Variants in AMZ2 observed in about 807,000 individuals in gnomAD.
AMZ2 encodes the protein archaelysin family metallopeptidase 2, also known as archaemetzincin-2.
A neutral mutation model predicts 36.7 loss-of-function variants in AMZ2; 26 were observed. The observed-to-expected ratio is 0.71, with a 90% CI of 0.52 to 0.98. The LOEUF (loss-of-function observed/expected upper bound fraction) is 0.98. AMZ2 is among the 50% of genes least tolerant of loss of function. AMZ2 has a pLI of 0.00. For synonymous variants in AMZ2, 144 were observed against 149.1 expected, an observed-to-expected ratio of 0.97 and a Z score of 0.25; for missense variants, 394 against 430.5, an observed-to-expected ratio of 0.92 and a Z score of 0.75.
chr17:68,233,334 G>C (rs7213100), intron 1 of AMZ2, among the ~76,000 whole-genome samples: 82,846 of 151,750 alleles, frequency 0.55, 23,708 homozygotes, highest in African/African-American at 0.73. Flanking sequence ...CAAGGAGAAA[G>C]CCCGTCTCTA....
intron 1 of AMZ2, among the ~76,000 whole-genome samples, chr17:68,213,073 A>G (rs2073107396): frequency 6.6e-6 from 1 of 152,354 alleles, no homozygotes; most frequent in South Asian, 2.1e-4. Flanking sequence ...TAACACAACC[A>G]CAAAGTAAAG....
chr17:68,238,832 C>T (rs1354371756), intron 1 of AMZ2, among the ~76,000 whole-genome samples: 1 of 152,160 alleles, frequency 6.6e-6, no homozygotes, highest in Non-Finnish European at 1.5e-5. Flanking sequence ...TCATAAACAA[C>T]AAAGCATAAA....
rs115362361 is a variant in AMZ2, at chr17:68,210,344, A to G, written c.-67+4106A>G. Among the ~76,000 whole-genome samples the G allele has an allele frequency of 6.7e-3, 1,015 of 152,376 alleles. 16 individuals are homozygous for G. The highest frequency in any genetic ancestry group is 0.023 in the African/African-American group (961 of 41,594). On this transcript the variant is annotated intron_variant, in intron 1 of 7. Transcript: ENST00000674770. ...AATGTGATTGATCCATATAACAGAT[A>G]CATTATTCAGCCTTGGAAGGAAATT... is the stretch of plus-strand genomic sequence containing the variant.
At chr17:68,208,572 A>G (rs1599247299) in intron 1 of AMZ2, among the ~76,000 whole-genome samples, 1 of 152,256 alleles carries the variant, frequency 6.6e-6, no homozygotes, top group East Asian at 1.9e-4. Flanking sequence ...GTGGGGCCTG[A>G]TAAGAATAAA....
At chr17:68,250,032 G>A (rs1458062175) in intron 1 of AMZ2, 156 bp from the exon 2 acceptor site, 1 of 711,616 alleles carries the variant, frequency 1.4e-6, no homozygotes, top group African/African-American at 1.8e-5. Flanking sequence ...CCAAGAAATT[G>A]GACATGAGGA....
chr17:68,233,338 G>A (rs568806156), intron 1 of AMZ2, among the ~76,000 whole-genome samples: 6 of 151,896 alleles, frequency 4.0e-5, no homozygotes, highest in African/African-American at 9.7e-5. Context: ...GAGAAAGCCC[G>A]TCTCTACTAA....
chr17:68,207,313 A>ACTCCCCCC (rs1555724633), intron 1 of AMZ2: 1 of 110,654 alleles, frequency 9.0e-6, no homozygotes. Context: ...TTTGTTAAAT[A>ACTCCCCCC]CCCCCCCCCC....
chr17:68,213,583 ATGG>A (rs1422582165), intron 1 of AMZ2, among the ~76,000 whole-genome samples: 1 of 152,164 alleles, frequency 6.6e-6, no homozygotes, highest in Non-Finnish European at 1.5e-5. Flanking sequence ...TTCGCTGTCT[ATGG>A]TGTTCTGCAG....
chr17:68,246,997 C>G (rs1455406592), upstream of AMZ2: 1 of 149,220 alleles, frequency 6.7e-6, no homozygotes, highest in Admixed American at 6.7e-5. Context: ...CACCTGAGCG[C>G]AGGAGTTCGA....
chr17:68,242,541 A>G lies in AMZ2; in HGVS notation c.-66-6099A>G, dbSNP rs2073923329. ...ATTCTCATGCCTCAGCCTCCCGAGTAGCTGGGATTACAGGCGTGTGCTACC... is the reference window on the plus strand; with the variant it reads ...ATTCTCATGCCTCAGCCTCCCGAGTGGCTGGGATTACAGGCGTGTGCTACC... On this transcript the variant is annotated intron_variant, in intron 1 of 7. Transcript: ENST00000674770. Among the ~76,000 whole-genome samples the G allele has an allele frequency of 2.0e-5, 3 of 151,868 alleles. No homozygotes were observed. In the South Asian group the frequency reaches 6.2e-4, roughly 32 times the overall value.
At chr17:68,209,696 A>G (rs1247854981) in intron 1 of AMZ2, among the ~76,000 whole-genome samples, 1 of 143,058 alleles carries the variant, frequency 7.0e-6, no homozygotes, top group African/African-American at 2.6e-5. Context: ...ATTCTGACTC[A>G]TGGCAACCTC....
chr17:68,209,457 G>A (rs563329917), intron 1 of AMZ2, among the ~76,000 whole-genome samples: 1 of 151,696 alleles, frequency 6.6e-6, no homozygotes, highest in African/African-American at 2.4e-5. Context: ...GCCTCCCAAA[G>A]TGTTGGGATT....
intron 1 of AMZ2, among the ~76,000 whole-genome samples, chr17:68,209,546 T>C (rs1266122187): frequency 6.6e-6 from 1 of 150,988 alleles, no homozygotes; most frequent in African/African-American, 2.4e-5. Flanking sequence ...ATGGACTTCT[T>C]TTGTAAAATA....
rs142992416 is a variant in AMZ2, at chr17:68,231,854, T to G, written c.-66-16786T>G. 1.1e-3 allele frequency among the ~76,000 whole-genome samples: 161 copies of G among 152,188 alleles called. 2 individuals are homozygous for G. In the East Asian group the frequency reaches 0.027, roughly 26 times the overall value. On this transcript the variant is annotated intron_variant, in intron 1 of 7. Transcript: ENST00000674770. ...ATACAGGGTGCTTAGTTAAACAGAA[T>G]TTCAAATGAACAACAAATCACTTTT...
At chr17:68,218,420 C>T (rs2073259300) in intron 1 of AMZ2, among the ~76,000 whole-genome samples, 1 of 152,052 alleles carries the variant, frequency 6.6e-6, no homozygotes, top group Admixed American at 6.6e-5. Context: ...AACTCCTGGG[C>T]TCAAGCGATC....
At chr17:68,246,195 CAAAAAAA>C (rs57477453), upstream of AMZ2, among the ~76,000 whole-genome samples, 57 of 83,832 alleles carry the variant, frequency 6.8e-4, 1 homozygote, top group East Asian at 0.011. Context: ...ACTAAAAATA[CAAAAAAA>C]AAAAAAAAAA....
upstream of AMZ2, chr17:68,247,986 C>G: frequency 5.1e-6 from 5 of 985,634 alleles, no homozygotes; most frequent in African/African-American, 5.2e-5. Flanking sequence ...GCGTGCGCGA[C>G]GCAGCGGCGC....
chr17:68,208,443 C>G (rs577629008), intron 1 of AMZ2, among the ~76,000 whole-genome samples: 4 of 152,182 alleles, frequency 2.6e-5, no homozygotes, highest in Non-Finnish European at 4.4e-5. Flanking sequence ...TCTAGCTAAT[C>G]TAGTGGGGAG....
At chr17:68,233,259 A>G (rs1380520726) in intron 1 of AMZ2, among the ~76,000 whole-genome samples, 4 of 152,200 alleles carry the variant, frequency 2.6e-5, no homozygotes, top group African/African-American at 9.7e-5. Context: ...CTGTAATCCC[A>G]GCACTTTGGG....
Sources: gnomAD v4.1 joint callset for allele counts (sites outside exome capture counted in the v4.1 genomes callset) on GRCh38, gnomAD v4.1.1 for gene constraint, MANE v1.5 for transcripts, NCBI Gene and HGNC (gene_info 2026-07-23, HGNC 2026-07-21) for gene names.